Variants in PALM2AKAP2 observed in about 807,000 individuals in gnomAD.
The protein encoded by PALM2AKAP2 is PALM2-AKAP2 fusion protein.
A neutral mutation model predicts 71.5 loss-of-function variants in PALM2AKAP2; 37 were observed. The ratio of observed to expected loss-of-function variants is 0.52; its 90% CI spans 0.40 to 0.68. The LOEUF (loss-of-function observed/expected upper bound fraction) is 0.68, where lower values mean the gene tolerates loss of function less well. Ranked by LOEUF, PALM2AKAP2 falls within the 30% of genes least tolerant of loss-of-function variation. The probability of loss-of-function intolerance (pLI) is 0.00; values close to 1 mark genes in which losing one functional copy is unlikely to be tolerated. For synonymous variants in PALM2AKAP2, 468 were observed against 478.8 expected (o/e 0.98, Z 0.29); for missense variants, 1,224 against 1,191.8 (o/e 1.03, Z -0.40).
upstream of PALM2AKAP2, among the ~76,000 whole-genome samples, chr9:110,045,637 G>A (rs1266686295): frequency 2.6e-5 from 4 of 151,736 alleles, no homozygotes; most frequent in South Asian, 2.1e-4. Context: ...GTGCAATCTC[G>A]GCTCACTGCA....
chr9:109,741,822 C>T (rs1165938946), intron 1 of PALM2AKAP2, among the ~76,000 whole-genome samples: 2 of 152,156 alleles, frequency 1.3e-5, no homozygotes, highest in African/African-American at 4.8e-5. Context: ...AGCAGATATC[C>T]AATTCCACAT....
chr9:109,775,059 G>A (rs1396636134), intron 1 of PALM2AKAP2, among the ~76,000 whole-genome samples: 1 of 152,162 alleles, frequency 6.6e-6, no homozygotes, highest in African/African-American at 2.4e-5. Flanking sequence ...CTTAATGTAA[G>A]GAAACTGTCA....
intron 6 of PALM2AKAP2, among the ~76,000 whole-genome samples, chr9:110,012,836 T>C (rs1181600533): frequency 6.6e-6 from 1 of 152,176 alleles, no homozygotes; most frequent in Non-Finnish European, 1.5e-5. Context: ...AAAAATTCTT[T>C]CCAAAGTGAA....
At chr9:109,724,303 C>T (rs532512197) in intron 1 of PALM2AKAP2, among the ~76,000 whole-genome samples, 10 of 152,124 alleles carry the variant, frequency 6.6e-5, no homozygotes, top group Admixed American at 1.3e-4. Context: ...GTAAAGATGT[C>T]ACGCTTCCCT....
chr9:110,144,965 A>G (rs997930652), intron 2 of PALM2AKAP2, among the ~76,000 whole-genome samples: 1 of 152,156 alleles, frequency 6.6e-6, no homozygotes, highest in Non-Finnish European at 1.5e-5. Context: ...TCCAAAATCC[A>G]TCTTCTTTCC....
upstream of PALM2AKAP2, among the ~76,000 whole-genome samples, chr9:109,779,995 C>A (rs570842500): frequency 6.6e-6 from 1 of 151,738 alleles, no homozygotes; most frequent in Non-Finnish European, 1.5e-5. Flanking sequence ...TGCGCCCCAG[C>A]GGCTCGCCGT....
intron 6 of PALM2AKAP2, among the ~76,000 whole-genome samples, chr9:110,000,372 A>C (rs760160012): frequency 6.6e-6 from 1 of 152,106 alleles, no homozygotes; most frequent in African/African-American, 2.4e-5. Flanking sequence ...ATAGTATTCC[A>C]TGGTGTATGT....
chr9:109,963,350 A>G (rs960970752), intron 6 of PALM2AKAP2, among the ~76,000 whole-genome samples: 3 of 152,184 alleles, frequency 2.0e-5, no homozygotes, highest in Non-Finnish European at 4.4e-5. Flanking sequence ...GCCCATAGAC[A>G]TATTGTGTTT....
intron 6 of PALM2AKAP2, among the ~76,000 whole-genome samples, chr9:109,964,133 T>C (rs919725343): frequency 6.6e-6 from 1 of 152,260 alleles, no homozygotes; most frequent in Non-Finnish European, 1.5e-5. Flanking sequence ...ATTTCAGATA[T>C]TGAGATATAC....
intron 1 of PALM2AKAP2, among the ~76,000 whole-genome samples, chr9:110,097,438 A>C (rs1203060837): frequency 6.6e-6 from 1 of 151,632 alleles, no homozygotes; most frequent in African/African-American, 2.4e-5. Context: ...TGCCATTGTC[A>C]TCATGGCCCG....
In PALM2AKAP2 at chr9:109,816,804, G is replaced by A. The variant is rs117138121; in HGVS notation, c.45+36271G>A. ...GGAACAGATGAGACTTTTTCCATGA[G>A]GGCAGAGGAGTCATGGTCTGGAAAT... On this transcript the variant is annotated intron_variant, in intron 1 of 9. Coordinates refer to the PALM2AKAP2 transcript ENST00000302798. Among the ~76,000 whole-genome samples, 163 of 152,236 alleles carry A rather than the reference G, an allele frequency of 1.1e-3. 1 individual carries two copies. The highest frequency in any genetic ancestry group is 2.0e-3 in the Non-Finnish European group (139 of 68,004).
chr9:110,103,007 G>A (rs1447654141), intron 1 of PALM2AKAP2, among the ~76,000 whole-genome samples: 1 of 151,952 alleles, frequency 6.6e-6, no homozygotes, highest in East Asian at 1.9e-4. Context: ...TCTGCATGCT[G>A]GTTCTCCTGC....
In PALM2AKAP2 at chr9:109,973,304, C is replaced by T. The variant is rs542845638; in HGVS notation, c.496+41276C>T. 2.2e-4 allele frequency among the ~76,000 whole-genome samples: 34 copies of T among 152,310 alleles called. No individual in the cohort carries two copies. In the South Asian group the frequency reaches 6.4e-3, roughly 29 times the overall value. On this transcript the variant is annotated intron_variant, in intron 6 of 9. Coordinates refer to the PALM2AKAP2 transcript ENST00000302798. The stretch of plus-strand genomic sequence containing the variant: ...CAGGCACTGTATACCAGTTGGCCTT[C>T]TCTCTACATTATGCTGTTGCAACAG...
chr9:109,980,294 G>T (rs922006666), intron 6 of PALM2AKAP2, among the ~76,000 whole-genome samples: 1 of 152,176 alleles, frequency 6.6e-6, no homozygotes, highest in Non-Finnish European at 1.5e-5. Flanking sequence ...AAAGAATGGG[G>T]CTGATCTCAA....
At chr9:109,850,408 G>A (rs1828978097) in intron 1 of PALM2AKAP2, among the ~76,000 whole-genome samples, 1 of 152,000 alleles carries the variant, frequency 6.6e-6, no homozygotes, top group Admixed American at 6.5e-5. Context: ...TGTCTTGGTG[G>A]TGTTTTCTGT....
intron 1 of PALM2AKAP2, among the ~76,000 whole-genome samples, chr9:109,857,582 T>C (rs1775367982): frequency 6.6e-6 from 1 of 152,192 alleles, no homozygotes; most frequent in South Asian, 2.1e-4. Flanking sequence ...GGCAGTGTAA[T>C]AGGTTTCATG....
At chr9:109,690,157 T>G (rs967465964) in intron 1 of PALM2AKAP2, among the ~76,000 whole-genome samples, 51 of 152,332 alleles carry the variant, frequency 3.3e-4, no homozygotes, top group African/African-American at 1.1e-3. Flanking sequence ...TACCAGCCAC[T>G]GCTCACCAGC....
chr9:110,131,990 T>G (rs1835744451), intron 1 of PALM2AKAP2, among the ~76,000 whole-genome samples: 1 of 151,818 alleles, frequency 6.6e-6, no homozygotes. Context: ...CATCCCAAAT[T>G]ACACTGGAAC....
chr9:109,956,620 G>A (rs1357246155), intron 6 of PALM2AKAP2, among the ~76,000 whole-genome samples: 1 of 152,160 alleles, frequency 6.6e-6, no homozygotes, highest in Non-Finnish European at 1.5e-5. Flanking sequence ...AGTGTGAGGT[G>A]CTGTCACATA....
Sources: allele counts gnomAD v4.1 joint callset (sites outside exome capture counted in the v4.1 genomes callset), GRCh38; gene constraint gnomAD v4.1.1; transcripts MANE v1.5; gene names NCBI Gene and HGNC (gene_info 2026-07-23, HGNC 2026-07-21).